Variants in TAF1A observed in about 807,000 individuals in gnomAD.
TAF1A encodes the protein TATA-box binding protein associated factor, RNA polymerase I subunit A.
A neutral mutation model predicts 61.6 loss-of-function variants in TAF1A; 42 were observed. That is an observed-to-expected ratio of 0.68 (90% confidence interval 0.53 to 0.88). TAF1A has a LOEUF of 0.88. TAF1A is among the 40% of genes least tolerant of loss of function. TAF1A has a pLI of 0.00. For missense variants in TAF1A, 424 were observed against 518.7 expected, an observed-to-expected ratio of 0.82 and a Z score of 1.77; for synonymous variants, 179 against 177.7, an observed-to-expected ratio of 1.01 and a Z score of -0.06.
intron 8 of TAF1A, among the ~76,000 whole-genome samples, chr1:222,563,550 A>C (rs188147247): frequency 6.6e-6 from 1 of 152,034 alleles, no homozygotes; most frequent in Non-Finnish European, 1.5e-5. Flanking sequence ...TATGGGTTAC[A>C]CTCCTCTACT....
chr1:222,575,223 T>A (rs2936037), intron 5 of TAF1A, among the ~76,000 whole-genome samples: 31,340 of 151,230 alleles, frequency 0.21, 4,215 homozygotes, highest in African/African-American at 0.39. Context: ...TGGAAAAAAA[T>A]TTTTTTTAAA....
intron 2 of TAF1A, among the ~76,000 whole-genome samples, chr1:222,586,936 A>G (rs551302527): frequency 6.6e-6 from 1 of 152,376 alleles, no homozygotes; most frequent in African/African-American, 2.4e-5. Flanking sequence ...CAGGCTATCC[A>G]TGACATATAA....
chr1:222,555,230 A>C (rs536943494), downstream of TAF1A, among the ~76,000 whole-genome samples: 1 of 152,350 alleles, frequency 6.6e-6, no homozygotes, highest in East Asian at 1.9e-4. Context: ...TTCCCCCAAA[A>C]AATTGAAAAT....
At chr1:222,582,807 G>A (rs964535655) in intron 3 of TAF1A, among the ~76,000 whole-genome samples, 2 of 152,332 alleles carry the variant, frequency 1.3e-5, no homozygotes, top group Admixed American at 6.5e-5. Flanking sequence ...GATAAACCAT[G>A]AAAACATTAT....
intron 2 of TAF1A, among the ~76,000 whole-genome samples, chr1:222,585,832 C>T (rs2936029): frequency 1 from 151,572 of 152,304 alleles, 75,427 homozygotes; most frequent in Middle Eastern, 1. Flanking sequence ...AAATGAATAA[C>T]GCAAGGTATT....
At chr1:222,555,648 T>C (rs928147237), downstream of TAF1A, among the ~76,000 whole-genome samples, 1 of 152,204 alleles carries the variant, frequency 6.6e-6, no homozygotes, top group Admixed American at 6.5e-5. Context: ...AGCATGGTGA[T>C]GACAGTTCAG....
intron 5 of TAF1A, among the ~76,000 whole-genome samples, chr1:222,575,916 A>C (rs1660555795): frequency 6.6e-6 from 1 of 152,246 alleles, no homozygotes; most frequent in Non-Finnish European, 1.5e-5. Flanking sequence ...CTAACCATGT[A>C]TAAGAAGAAA....
At chr1:222,568,181 G>GAAA (rs34547178) in intron 7 of TAF1A, among the ~76,000 whole-genome samples, 4 of 119,410 alleles carry the variant, frequency 3.3e-5, no homozygotes, top group Non-Finnish European at 5.4e-5. Flanking sequence ...AACACATCTA[G>GAAA]AAAAAAAAAA....
chr1:222,582,685 AAAC>A (rs1434862159), intron 3 of TAF1A, among the ~76,000 whole-genome samples: 1 of 152,220 alleles, frequency 6.6e-6, no homozygotes, highest in Non-Finnish European at 1.5e-5. Flanking sequence ...CGAAAAGCAA[AAAC>A]AACCTAAGTG....
chr1:222,569,315 T>C, intron 7 of TAF1A, 195 bp downstream of exon 7: 2 of 1,511,268 alleles, frequency 1.3e-6, no homozygotes, highest in Admixed American at 2.0e-5. Flanking sequence ...CTCAGTCTCA[T>C]CCGGGCAGCA....
intron 3 of TAF1A, among the ~76,000 whole-genome samples, chr1:222,583,300 A>AG (rs1339731721): frequency 6.6e-6 from 1 of 152,084 alleles, no homozygotes; most frequent in African/African-American, 2.4e-5. Flanking sequence ...GTTTCATGGG[A>AG]GAAAAAAAAG....
chr1:222,573,056 G>A (rs1259902499), intron 5 of TAF1A, among the ~76,000 whole-genome samples: 2 of 152,124 alleles, frequency 1.3e-5, no homozygotes, highest in African/African-American at 4.8e-5. Flanking sequence ...ATCACTTGAG[G>A]TCAGGAGTTC....
At chr1:222,583,959 T>TA (rs926423536) in intron 3 of TAF1A, among the ~76,000 whole-genome samples, 169 bp downstream of exon 3, 1 of 150,998 alleles carries the variant, frequency 6.6e-6, no homozygotes, top group African/African-American at 2.4e-5. Flanking sequence ...AAATAAGAGG[T>TA]AAAAAGAAGT....
downstream of TAF1A, among the ~76,000 whole-genome samples, chr1:222,554,278 C>T (rs113472900): frequency 1.1e-3 from 168 of 152,254 alleles, no homozygotes; most frequent in Non-Finnish European, 2.0e-3. Context: ...ATGGGACTGA[C>T]GGGCGGAAAC....
intron 9 of TAF1A, among the ~76,000 whole-genome samples, chr1:222,561,942 C>G (rs1340165686): frequency 6.6e-6 from 1 of 152,092 alleles, no homozygotes; most frequent in Admixed American, 6.6e-5. Context: ...TACAGCAGGT[C>G]TCATATAAAG....
chr1:222,573,906 C>A (rs564815074), intron 5 of TAF1A, among the ~76,000 whole-genome samples: 70 of 151,886 alleles, frequency 4.6e-4, no homozygotes, highest in African/African-American at 1.7e-3. Flanking sequence ...CAATGGAATT[C>A]TATTCAGTAA....
At chr1:222,564,186 G>T in intron 7 of TAF1A, 61 bp from the exon 8 acceptor site, 2 of 1,121,156 alleles carry the variant, frequency 1.8e-6, no homozygotes, top group Non-Finnish European at 2.6e-6. Flanking sequence ...TCAAATTTCA[G>T]CTTACTTTCA....
intron 10 of TAF1A, among the ~76,000 whole-genome samples, chr1:222,559,714 G>C (rs1659836387): frequency 6.6e-6 from 1 of 151,812 alleles, no homozygotes; most frequent in African/African-American, 2.4e-5. Flanking sequence ...GTCTCACTAT[G>C]GGACACAAAG....
chr1:222,580,238 T>A (rs1198212742), intron 3 of TAF1A, among the ~76,000 whole-genome samples: 4 of 152,198 alleles, frequency 2.6e-5, no homozygotes, highest in Non-Finnish European at 4.4e-5. Flanking sequence ...TCTTCATTGG[T>A]CTCAGCCTCT....
Sources: allele counts gnomAD v4.1 joint callset (sites outside exome capture counted in the v4.1 genomes callset), GRCh38; gene constraint gnomAD v4.1.1; transcripts MANE v1.5; gene names NCBI Gene and HGNC (gene_info 2026-07-23, HGNC 2026-07-21).